The following LRRC28 variants were observed in gnomAD, a reference collection of about 807,000 sequenced individuals.
LRRC28 encodes leucine rich repeat containing 28, also known as leucine-rich repeat-containing protein 28.
LRRC28 carries 39 observed loss-of-function variants against 45.7 expected under a neutral mutation model. The ratio of observed to expected loss-of-function variants is 0.85; its 90% CI spans 0.66 to 1.12. The LOEUF is 1.12. Among genes scored for constraint, LRRC28 ranks in the 50% most tolerant of loss-of-function variants. The probability of loss-of-function intolerance (pLI) is 0.00; values close to 1 mark genes in which losing one functional copy is unlikely to be tolerated. For missense variants in LRRC28, 435 were observed against 438.5 expected (o/e 0.99, Z 0.07); for synonymous variants, 206 against 178.8 (o/e 1.15, Z -1.22).
chr15:99,259,718 A>G (rs2152124907), intron 2 of LRRC28: 1 of 1,423,782 alleles, frequency 7.0e-7, no homozygotes, highest in Non-Finnish European at 9.9e-7. Context: ...TCGACGAATT[A>G]AGGAAGATGA....
At chr15:99,346,012 C>T (rs768818676) in intron 6 of LRRC28, among the ~76,000 whole-genome samples, 5 of 152,008 alleles carry the variant, frequency 3.3e-5, no homozygotes, top group African/African-American at 4.8e-5. Context: ...AGCAGGGTCT[C>T]GCTCTGTTGC....
At chr15:99,267,088 GA>G (rs1567608274) in intron 2 of LRRC28, among the ~76,000 whole-genome samples, 1 of 152,168 alleles carries the variant, frequency 6.6e-6, no homozygotes, top group Non-Finnish European at 1.5e-5. Context: ...GTTAAAATAA[GA>G]TGGTTAGAAT....
chr15:99,362,457 A>G (rs1957229731), intron 8 of LRRC28, among the ~76,000 whole-genome samples: 1 of 152,186 alleles, frequency 6.6e-6, no homozygotes. Context: ...CATCATCAGT[A>G]GAAACCCAGT....
At chr15:99,341,294 G>C (rs2152303969) in intron 6 of LRRC28, among the ~76,000 whole-genome samples, 1 of 152,078 alleles carries the variant, frequency 6.6e-6, no homozygotes, top group Admixed American at 6.5e-5. Context: ...ATTTCACCGT[G>C]TTGGCCAGGC....
intron 5 of LRRC28, among the ~76,000 whole-genome samples, chr15:99,324,232 A>G (rs1032293747): frequency 6.6e-6 from 1 of 152,190 alleles, no homozygotes; most frequent in African/African-American, 2.4e-5. Flanking sequence ...TGATTCATAC[A>G]ATGAGGTTTC....
chr15:99,382,227 A>G (rs1957850573), intron 9 of LRRC28, among the ~76,000 whole-genome samples: 1 of 152,210 alleles, frequency 6.6e-6, no homozygotes, highest in South Asian at 2.1e-4. Flanking sequence ...AGCCTCAGCA[A>G]TGGTGGGTGC....
In LRRC28 at chr15:99,387,717, T is replaced by A. The variant is rs1376301366; in HGVS notation, c.*1615T>A. 1 of 152,188 alleles carries A rather than the reference T, an allele frequency of 6.6e-6. No individual in the cohort carries two copies. The highest frequency in any genetic ancestry group is 6.5e-5 in the Admixed American group (1 of 15,280). 9.4% of individuals were successfully genotyped at this position (152,188 alleles called of 1,614,324 possible). Reference sequence around the variant, plus strand: ...AAAATGTTTTTTAATGATGTAAGTTTTCTAAAAGGCAGGGCTGAATGGAGA... The same window carrying A: ...AAAATGTTTTTTAATGATGTAAGTTATCTAAAAGGCAGGGCTGAATGGAGA... On this transcript the variant is annotated 3_prime_UTR_variant, in exon 10 of 10. Coordinates refer to ENST00000301981, the MANE Select transcript of LRRC28 (RefSeq NM_144598.5).
chr15:99,362,039 C>T (rs951231882), intron 8 of LRRC28, among the ~76,000 whole-genome samples: 2 of 152,120 alleles, frequency 1.3e-5, no homozygotes, highest in Non-Finnish European at 2.9e-5. Context: ...ACTGTCGCAG[C>T]GTGCCAGCTA....
At chr15:99,264,545 C>A (rs886749089) in intron 2 of LRRC28, among the ~76,000 whole-genome samples, 1 of 152,134 alleles carries the variant, frequency 6.6e-6, no homozygotes, top group Non-Finnish European at 1.5e-5. Flanking sequence ...TCCACTTCAG[C>A]GGGAGCAGCT....
At chr15:99,346,508 A>G (rs1244356325) in intron 6 of LRRC28, among the ~76,000 whole-genome samples, 1 of 152,242 alleles carries the variant, frequency 6.6e-6, no homozygotes, top group Non-Finnish European at 1.5e-5. Context: ...AAAAATTTGA[A>G]TCAAGACAGG....
chr15:99,380,850 T>A (rs1403709002), intron 9 of LRRC28, among the ~76,000 whole-genome samples: 1 of 152,264 alleles, frequency 6.6e-6, no homozygotes. Context: ...TTAAGAATGT[T>A]GACTGTTGGT....
At chr15:99,289,705 G>A (rs576198986) in intron 5 of LRRC28, among the ~76,000 whole-genome samples, 43 of 151,180 alleles carry the variant, frequency 2.8e-4, no homozygotes, top group Admixed American at 1.5e-3. Context: ...AGGCCGAGGC[G>A]GGTGGATCAT....
At chr15:99,367,707 T>G (rs373489301) in intron 9 of LRRC28, among the ~76,000 whole-genome samples, 2 of 152,306 alleles carry the variant, frequency 1.3e-5, no homozygotes, top group South Asian at 4.1e-4. Flanking sequence ...AAAGCAAGGC[T>G]TGTGGGAATA....
At chr15:99,260,816 C>G (rs1275563466) in intron 2 of LRRC28, among the ~76,000 whole-genome samples, 2 of 152,170 alleles carry the variant, frequency 1.3e-5, no homozygotes, top group African/African-American at 4.8e-5. Context: ...TATAGAGTAT[C>G]TCGAATATGT....
chr15:99,293,620 A>C lies in LRRC28; in HGVS notation c.385+5669A>C, dbSNP rs1159440623. 6.2e-5 allele frequency among the ~76,000 whole-genome samples: 9 copies of C among 146,210 alleles called. No individual in the cohort carries two copies. In the South Asian group the frequency reaches 1.5e-3, roughly 25 times the overall value. On this transcript the variant is annotated intron_variant, in intron 5 of 9. Coordinates refer to ENST00000301981, the MANE Select transcript of LRRC28 (RefSeq NM_144598.5). ...AAAAAAAAAAAAAAAAAAAAAAAAA[A>C]AAAAAAAAAAAAACCTAAACAATAT...
chr15:99,335,889 G>A (rs760874763), intron 6 of LRRC28, among the ~76,000 whole-genome samples: 12 of 152,110 alleles, frequency 7.9e-5, no homozygotes, highest in Non-Finnish European at 1.5e-4. Context: ...TTTGATTTGT[G>A]TGGCATGAAA....
At chr15:99,277,021 C>T (rs190556828) in intron 3 of LRRC28, among the ~76,000 whole-genome samples, 22 of 152,152 alleles carry the variant, frequency 1.4e-4, no homozygotes, top group Admixed American at 1.2e-3. Context: ...GCATCCTCCA[C>T]GCTTCATTTG....
intron 9 of LRRC28, among the ~76,000 whole-genome samples, chr15:99,368,013 A>T (rs1957386863): frequency 6.6e-6 from 1 of 152,096 alleles, no homozygotes; most frequent in Admixed American, 6.5e-5. Flanking sequence ...TATGAATGAT[A>T]CTCTAATCAC....
intron 9 of LRRC28, among the ~76,000 whole-genome samples, chr15:99,370,534 T>C (rs1048000191): frequency 6.6e-6 from 1 of 152,122 alleles, no homozygotes; most frequent in African/African-American, 2.4e-5. Flanking sequence ...AGAACTTTCA[T>C]TTTCAACTCC....
Sources: gnomAD v4.1 joint callset for allele counts (sites outside exome capture counted in the v4.1 genomes callset) on GRCh38, gnomAD v4.1.1 for gene constraint, MANE v1.5 for transcripts, NCBI Gene and HGNC (gene_info 2026-07-23, HGNC 2026-07-21) for gene names.